ZNF7: variants seen among roughly 807,000 people sequenced by gnomAD.
The protein encoded by ZNF7 is C2-H2 type zinc finger protein.
In ZNF7, 10 loss-of-function variants were observed where a neutral mutation model predicts 12.0. The ratio of observed to expected loss-of-function variants is 0.83; its 90% CI spans 0.51 to 1.42. ZNF7 has a LOEUF of 1.42. ZNF7 is among the 40% of genes most tolerant of loss of function. The pLI is 0.00. For missense variants in ZNF7, 854 were observed against 837.2 expected, an observed-to-expected ratio of 1.02 and a Z score of -0.25; for synonymous variants, 334 against 295.0, an observed-to-expected ratio of 1.13 and a Z score of -1.35.
intron 3 of ZNF7, chr8:144,837,069 G>A (rs375749422): frequency 4.6e-6 from 1 of 217,186 alleles, no homozygotes; most frequent in East Asian, 9.3e-5. Flanking sequence ...GCTAAGTGAA[G>A]CTTGGGCTTC....
At chr8:144,833,312 G>A (rs1254765181) in intron 3 of ZNF7, among the ~76,000 whole-genome samples, 1 of 151,588 alleles carries the variant, frequency 6.6e-6, no homozygotes, top group Non-Finnish European at 1.5e-5. Flanking sequence ...TCTCTCTTGT[G>A]GGCCAGCTTC....
At chr8:144,846,745 C>T, downstream of ZNF7, 1 of 152,822 alleles carries the variant, frequency 6.5e-6, no homozygotes, top group East Asian at 1.9e-4. Flanking sequence ...GTCCCTCAGG[C>T]TGAAGTGCAG....
chr8:144,841,404 C>T lies in ZNF7; in HGVS notation c.297C>T (p.Ile99=). ...AGCAGGCCTGTGAGGACATGGACAT[C>T]CTAAAATCAGAATCCTATGGGACAG... ...ENEQACEDMD[I]LKSESYGTVV... Residue 99 remains isoleucine (I), a synonymous_variant, in exon 5 of 5, where the codon ATC becomes ATT. Coordinates refer to ENST00000532777, the MANE Select transcript of ZNF7 (RefSeq NM_003416.4). 1.2e-6 allele frequency: 2 copies of T among 1,613,444 alleles called. No homozygotes were observed. Among genetic ancestry groups the T allele is most frequent in the Non-Finnish European group, 1.7e-6 (2 of 1,179,418 alleles).
rs930531729 is a variant in ZNF7 at position 144,829,394 on chromosome 8, A to T, written c.4-84A>T. The stretch of plus-strand genomic sequence containing the variant: ...AGCGTCTCGCCCAACCCCATGGGGC[A>T]GCTGCCTGAGACATGTCATGAGGCA... On this transcript the variant is annotated intron_variant, in intron 2 of 4. Transcript: ENST00000532777. 4 of 1,593,242 alleles carry T rather than the reference A, an allele frequency of 2.5e-6. No individual in the cohort carries two copies. In the African/African-American group the frequency reaches 5.4e-5, roughly 21 times the overall value.
At position 144,842,401 on chromosome 8, in the gene ZNF7, C is replaced by G. The variant is rs370205689; in HGVS notation, c.1294C>G (p.Gln432Glu). ...FRWISRLSQH[Q>E]LIHTGEKPYK... The stretch of plus-strand genomic sequence containing the variant: ...GTGGATCTCTCGCCTGAGTCAGCAT[C>G]AGCTGATTCACACTGGAGAGAAGCC... The change falls in exon 5 of 5, where the codon CAG becomes GAG. Residue 432 changes from glutamine (Q) to glutamate (E), a missense_variant. Gln to Glu is a conservative substitution (Grantham distance 29). Coordinates refer to ENST00000532777, the MANE Select transcript of ZNF7 (RefSeq NM_003416.4). 3.7e-6 allele frequency: 6 copies of G among 1,614,056 alleles called. No homozygotes were observed. The highest frequency in any genetic ancestry group is 4.2e-6 in the Non-Finnish European group (5 of 1,180,032).
rs1397650723 is a variant in ZNF7, at chr8:144,843,381, A to T, written c.*213A>T. 3.9e-6 allele frequency: 2 copies of T among 507,076 alleles called. No individual in the cohort carries two copies. The allele number at this position is 507,076 out of a possible 1,614,324, so 31.4% of individuals were successfully genotyped here. On this transcript the variant is annotated 3_prime_UTR_variant, in exon 5 of 5. Transcript: ENST00000532777. ...AAGGCGGGCACATCACGAGGTCAGG[A>T]GGTTGAGACCATCCTGGGTAACAGG...
intron 3 of ZNF7, among the ~76,000 whole-genome samples, chr8:144,831,781 TAA>T (rs34934472): frequency 0.12 from 7,801 of 64,216 alleles, 1,998 homozygotes; most frequent in East Asian, 0.41. Context: ...AGACTCCATC[TAA>T]AAAAAAAAAA....
chr8:144,834,147 G>C (rs1344803444), intron 3 of ZNF7: 1 of 152,174 alleles, frequency 6.6e-6, no homozygotes, highest in Non-Finnish European at 1.5e-5. Context: ...CTTTGAAACT[G>C]TTTTCTGTCA....
At chr8:144,827,846 C>A (rs977935391) in intron 1 of ZNF7, 3 of 241,532 alleles carry the variant, frequency 1.2e-5, no homozygotes, top group African/African-American at 4.6e-5. Context: ...CGCAGCTCCC[C>A]GCAGACCCCG....
chr8:144,828,880 C>G, intron 1 of ZNF7, 163 bp from the exon 2 acceptor site: 1 of 807,162 alleles, frequency 1.2e-6, no homozygotes, highest in Non-Finnish European at 1.9e-6. Flanking sequence ...TTCAGTGGGC[C>G]TCCTTCACTC....
intron 3 of ZNF7, chr8:144,834,145 C>G (rs1828741433): frequency 6.6e-6 from 1 of 152,170 alleles, no homozygotes; most frequent in African/African-American, 2.4e-5. Context: ...TGCTTTGAAA[C>G]TGTTTTCTGT....
chr8:144,845,267 C>T (rs947456174), downstream of ZNF7, among the ~76,000 whole-genome samples: 58 of 152,172 alleles, frequency 3.8e-4, no homozygotes, highest in Non-Finnish European at 6.3e-4. Context: ...CCTATCAGTT[C>T]CTTTTGCCCA....
chr8:144,828,899 TGGCTGCTTCA>T (rs1189272600), intron 1 of ZNF7, 134 bp from the exon 2 acceptor site: 9 of 1,024,894 alleles, frequency 8.8e-6, no homozygotes, highest in Non-Finnish European at 1.3e-5. Context: ...TCAAGTGCCA[TGGCTGCTTCA>T]GCCCAGCCCC....
chr8:144,841,695 G>C lies in ZNF7; in HGVS notation c.588G>C (p.Gln196His), dbSNP rs1417747649. 2 of 1,614,050 alleles carry C rather than the reference G, an allele frequency of 1.2e-6. No individual in the cohort carries two copies. Among genetic ancestry groups the C allele is most frequent in the African/African-American group, 2.7e-5 (2 of 74,922 alleles). Residue 196 changes from glutamine (Q) to histidine (H), a missense_variant, in exon 5 of 5, where the codon CAG becomes CAC. Coordinates refer to ENST00000532777, the MANE Select transcript of ZNF7 (RefSeq NM_003416.4). ...GAGAGAGTGCGGAAGGGATGTCCCA[G>C]AGATGCGAGGAGTGTGGCAAAGGCA... ...SQGESAEGMS[Q>H]RCEECGKGIR...
chr8:144,836,324 C>T (rs868467968), intron 3 of ZNF7: 2 of 152,318 alleles, frequency 1.3e-5, no homozygotes, highest in African/African-American at 2.4e-5. Context: ...AGAGCAAGAC[C>T]GTATCTCTAA....
In ZNF7 at chr8:144,842,699, G is replaced by A. The variant is rs1830104616; in HGVS notation, c.1592G>A (p.Gly531Glu). 1 of 1,614,058 alleles carries A rather than the reference G, an allele frequency of 6.2e-7. No homozygotes were observed. The change falls in exon 5 of 5, where the codon GGA becomes GAA. Residue 531 changes from glycine (G) to glutamate (E), a missense_variant. Coordinates refer to ENST00000532777, the MANE Select transcript of ZNF7 (RefSeq NM_003416.4). ...GEKPYECLQC[G>E]KAFSMSTQLT... is the part of the protein sequence containing the mutation. ...AAGCCCTACGAATGCCTCCAATGCG[G>A]AAAAGCCTTCAGTATGAGCACACAG...
At chr8:144,846,390 A>C (rs1252262019), downstream of ZNF7, 1 of 554,422 alleles carries the variant, frequency 1.8e-6, no homozygotes, top group Non-Finnish European at 3.1e-6. Context: ...ACATTTGAAA[A>C]CTATGTTAAA....
chr8:144,841,391 A>G lies in ZNF7; in HGVS notation c.284A>G (p.Glu95Gly). The change falls in exon 5 of 5, where the codon GAG becomes GGG. Residue 95 changes from glutamate to glycine, a missense_variant. Transcript: ENST00000532777. ...TIRTENEQAC[E>G]DMDILKSESY... ...AGGACTGAAAATGAGCAGGCCTGTG[A>G]GGACATGGACATCCTAAAATCAGAA... 1 of 1,611,654 alleles carries G rather than the reference A, an allele frequency of 6.2e-7. No homozygotes were observed.
chr8:144,841,715 A>C lies in ZNF7; in HGVS notation c.608A>C (p.Lys203Thr). The change falls in exon 5 of 5, where the codon AAA becomes ACA. Residue 203 changes from lysine (K) to threonine (T), a missense_variant. Physicochemically the swap from Lys to Thr is moderately conservative, Grantham distance 78. Coordinates refer to ENST00000532777, the MANE Select transcript of ZNF7 (RefSeq NM_003416.4). ...TCCCAGAGATGCGAGGAGTGTGGCA[A>C]AGGCATCAGAGCCACTTCAGATATC... ...GMSQRCEECG[K>T]GIRATSDIAL... 6.2e-7 allele frequency: 1 copy of C among 1,614,176 alleles called. No individual in the cohort carries two copies. The highest frequency in any genetic ancestry group is 2.2e-5 in the East Asian group (1 of 44,886).
Sources: gnomAD v4.1 joint callset for allele counts (sites outside exome capture counted in the v4.1 genomes callset) on GRCh38, gnomAD v4.1.1 for gene constraint, MANE v1.5 for transcripts, NCBI Gene and HGNC (gene_info 2026-07-23, HGNC 2026-07-21) for gene names.